The following FSTL4 variants were observed in gnomAD, a reference collection of about 807,000 sequenced individuals.
The protein encoded by FSTL4 is follistatin-related protein 4.
Under a neutral mutation model 78.2 loss-of-function variants are expected in FSTL4, and 28 were observed. That is an observed-to-expected ratio of 0.36 (90% CI 0.27 to 0.49). The LOEUF (loss-of-function observed/expected upper bound fraction) is 0.49. FSTL4 is among the 20% of genes least tolerant of loss of function. FSTL4 has a pLI of 0.98. For synonymous variants in FSTL4, 422 were observed against 440.5 expected (o/e 0.96, Z 0.53); for missense variants, 922 against 1,084.9 (o/e 0.85, Z 2.11).
the FSTL4 span, among the ~76,000 whole-genome samples, chr5:133,639,099 T>C: frequency 1.3e-5 from 2 of 152,218 alleles, no homozygotes; most frequent in East Asian, 1.9e-4. Flanking sequence ...CCCATATGCA[T>C]TCGGTATTTG....
intron 4 of FSTL4, among the ~76,000 whole-genome samples, chr5:133,392,863 T>C (rs1257824132): frequency 1.3e-5 from 2 of 152,224 alleles, no homozygotes; most frequent in Non-Finnish European, 2.9e-5. Context: ...CCACGAGACT[T>C]ACTCAGCTCA....
the FSTL4 span, among the ~76,000 whole-genome samples, chr5:133,635,049 A>T: frequency 1.6e-4 from 24 of 150,882 alleles, no homozygotes; most frequent in Admixed American, 1.5e-3. Context: ...TTGGCATTTT[A>T]TTGATCTCTT....
chr5:133,487,682 G>A (rs1182559264), intron 3 of FSTL4, among the ~76,000 whole-genome samples: 2 of 152,110 alleles, frequency 1.3e-5, no homozygotes, highest in African/African-American at 2.4e-5. Flanking sequence ...CCCTATGCAG[G>A]TGCTTCTCCC....
chr5:133,208,256 T>C (rs1750589737), intron 14 of FSTL4: 2 of 152,360 alleles, frequency 1.3e-5, no homozygotes, highest in South Asian at 2.1e-4. Context: ...CTTTCTTTTG[T>C]CCTGACAGGT....
chr5:133,673,234 C>G, the FSTL4 span, among the ~76,000 whole-genome samples: 1 of 152,164 alleles, frequency 6.6e-6, no homozygotes, highest in Non-Finnish European at 1.5e-5. Context: ...TTTGGGGGCC[C>G]AAGGTATTTT....
At chr5:133,245,649 G>A (rs1295358185) in intron 7 of FSTL4, among the ~76,000 whole-genome samples, 1 of 152,088 alleles carries the variant, frequency 6.6e-6, no homozygotes, top group East Asian at 1.9e-4. Flanking sequence ...ACTCTGGTAC[G>A]GAGCTTGTGA....
rs188361076 is a variant in FSTL4, at chr5:133,339,399, G to A, written c.410-22747C>T. Among the ~76,000 whole-genome samples the A allele has an allele frequency of 1.7e-3, 255 of 152,202 alleles. 2 individuals are homozygous for A. The highest frequency in any genetic ancestry group is 1.5e-3 in the Non-Finnish European group (101 of 68,020). Reference sequence around the variant, plus strand: ...GAGGGCTTTGGGTCTTAGCTGGCACGTGGCTTTCCTGCATGTCACTATCCT... The same window carrying A: ...GAGGGCTTTGGGTCTTAGCTGGCACATGGCTTTCCTGCATGTCACTATCCT... On this transcript the variant is annotated intron_variant, in intron 4 of 15. Transcript: ENST00000265342.
chr5:133,508,441 G>A (rs1758657329), intron 3 of FSTL4, among the ~76,000 whole-genome samples: 1 of 152,180 alleles, frequency 6.6e-6, no homozygotes, highest in Non-Finnish European at 1.5e-5. Context: ...TTTGCAGTAG[G>A]TTTGTTTACA....
chr5:133,622,630 GAC>G, the FSTL4 span, among the ~76,000 whole-genome samples: 2 of 152,082 alleles, frequency 1.3e-5, no homozygotes, highest in African/African-American at 2.4e-5. Context: ...TAGCCATTCT[GAC>G]AGGTGTGTGA....
At chr5:133,645,889 T>C in the FSTL4 span, among the ~76,000 whole-genome samples, 3 of 152,078 alleles carry the variant, frequency 2.0e-5, no homozygotes, top group African/African-American at 7.2e-5. Context: ...TCCGAACACC[T>C]TGAACTGGGA....
In FSTL4 at chr5:133,338,015, C is replaced by T. The variant is rs889308399; in HGVS notation, c.410-21363G>A. Among the ~76,000 whole-genome samples, 15 of 152,258 alleles carry T rather than the reference C, an allele frequency of 9.9e-5. No homozygotes were observed. The highest frequency in any genetic ancestry group is 2.6e-4 in the Admixed American group (4 of 15,290). On this transcript the variant is annotated intron_variant, in intron 4 of 15. Transcript: ENST00000265342. This position sits in a 1 kb window ranked among gnomAD's most constrained non-coding sequence, Gnocchi z 4.0. ...GGGGTTTGGGTGGTGAGTATGCGTGCGGAGGGCTTCTGGCAGGAGAGCTCC... is the reference window on the plus strand; with the variant it reads ...GGGGTTTGGGTGGTGAGTATGCGTGTGGAGGGCTTCTGGCAGGAGAGCTCC...
chr5:133,465,311 T>C (rs1370434897), intron 3 of FSTL4, among the ~76,000 whole-genome samples: 1 of 152,208 alleles, frequency 6.6e-6, no homozygotes, highest in Non-Finnish European at 1.5e-5. Context: ...TCAAAGTCTT[T>C]CCTACCTGAT....
intron 3 of FSTL4, among the ~76,000 whole-genome samples, chr5:133,560,857 C>T (rs574971270): frequency 6.6e-5 from 10 of 151,218 alleles, no homozygotes; most frequent in South Asian, 4.2e-4. Context: ...GAGGCTGAGG[C>T]GGGCAGATCA....
chr5:133,339,959 G>A (rs1754547397), intron 4 of FSTL4, among the ~76,000 whole-genome samples: 1 of 152,190 alleles, frequency 6.6e-6, no homozygotes, highest in African/African-American at 2.4e-5. Context: ...GGGGATTGGA[G>A]TCACTGTGGT....
chr5:133,375,313 A>ATATATATATATATATATATATATATATAC (rs1354744825), intron 4 of FSTL4, among the ~76,000 whole-genome samples: 1 of 31,058 alleles, frequency 3.2e-5, no homozygotes, highest in Non-Finnish European at 1.2e-4. Flanking sequence ...TATATATATA[A>ATATATATATATATATATATATATATATAC]AAGACTCTAA....
At chr5:133,447,689 G>A (rs1219257622) in intron 3 of FSTL4, among the ~76,000 whole-genome samples, 2 of 152,060 alleles carry the variant, frequency 1.3e-5, no homozygotes, top group Non-Finnish European at 2.9e-5. Context: ...ACAGGTGCCC[G>A]CCACCACATT....
intron 2 of FSTL4, among the ~76,000 whole-genome samples, chr5:133,602,961 C>T (rs1760904106): frequency 6.6e-6 from 1 of 152,110 alleles, no homozygotes; most frequent in South Asian, 2.1e-4. Flanking sequence ...ATTTTTATTT[C>T]TCATTCCGCA....
At chr5:133,268,018 T>TA (rs375986166) in intron 6 of FSTL4, among the ~76,000 whole-genome samples, 1 of 152,116 alleles carries the variant, frequency 6.6e-6, no homozygotes, top group African/African-American at 2.4e-5. Flanking sequence ...AATTTTACCT[T>TA]AAAAAAATGC....
chr5:133,343,097 G>A (rs1024956108), intron 4 of FSTL4, among the ~76,000 whole-genome samples: 2 of 152,098 alleles, frequency 1.3e-5, no homozygotes, highest in Admixed American at 6.5e-5. Context: ...CTTGTCGCAC[G>A]GGTGATTATT....
Sources: allele counts gnomAD v4.1 joint callset (sites outside exome capture counted in the v4.1 genomes callset), GRCh38; gene constraint gnomAD v4.1.1; non-coding constraint Gnocchi (gnomAD v3.1); transcripts MANE v1.5; gene names NCBI Gene and HGNC (gene_info 2026-07-23, HGNC 2026-07-21).